Variants in LDB2 observed in about 807,000 individuals in gnomAD.
The protein encoded by LDB2 is LIM domain binding 2, also known as LIM domain-binding protein 2.
In LDB2, 12 loss-of-function variants were observed where a neutral mutation model predicts 44.3. That is an observed-to-expected ratio of 0.27 (90% confidence interval 0.17 to 0.44). The LOEUF is 0.44. Ranked by LOEUF, LDB2 falls within the 20% of genes least tolerant of loss-of-function variation. The probability of loss-of-function intolerance (pLI) is 1.00; values close to 1 mark genes in which losing one functional copy is unlikely to be tolerated. For missense variants in LDB2, 344 were observed against 473.5 expected (o/e 0.73, Z 2.54); for synonymous variants, 164 against 174.8 (o/e 0.94, Z 0.49).
At chr4:16,775,349 C>T (rs1771660220) in intron 1 of LDB2, among the ~76,000 whole-genome samples, 2 of 152,270 alleles carry the variant, frequency 1.3e-5, no homozygotes, top group South Asian at 4.2e-4. Flanking sequence ...AGCCTACACA[C>T]CTTGCTGCCA....
At chr4:16,803,518 C>T (rs760880378) in intron 1 of LDB2, among the ~76,000 whole-genome samples, 3 of 152,112 alleles carry the variant, frequency 2.0e-5, no homozygotes, top group African/African-American at 2.4e-5. Context: ...AAAATTAAAT[C>T]AAAGCAGCAC....
chr4:16,516,543 A>T (rs1215981577), intron 5 of LDB2, among the ~76,000 whole-genome samples: 1 of 152,214 alleles, frequency 6.6e-6, no homozygotes, highest in African/African-American at 2.4e-5. Context: ...GTCTTAGGAA[A>T]TCACATTCTT....
chr4:16,585,235 A>G (rs1439495398), intron 5 of LDB2, among the ~76,000 whole-genome samples: 4 of 152,152 alleles, frequency 2.6e-5, no homozygotes, highest in African/African-American at 4.8e-5. Context: ...CCCGCCGTCC[A>G]CCCACACTCC....
intron 1 of LDB2, among the ~76,000 whole-genome samples, chr4:16,796,222 T>C (rs540683639): frequency 1.4e-4 from 22 of 151,956 alleles, no homozygotes; most frequent in Admixed American, 2.6e-4. Flanking sequence ...AAGACGAAGG[T>C]TGCAGTGAGC....
At chr4:16,815,591 T>A (rs1029622850) in intron 1 of LDB2, among the ~76,000 whole-genome samples, 1 of 152,168 alleles carries the variant, frequency 6.6e-6, no homozygotes, top group Non-Finnish European at 1.5e-5. Context: ...TAGTCTGTCT[T>A]ACAGCCTTTT....
intron 1 of LDB2, among the ~76,000 whole-genome samples, chr4:16,787,333 C>G (rs1774657586): frequency 6.6e-6 from 1 of 152,154 alleles, no homozygotes; most frequent in African/African-American, 2.4e-5. Flanking sequence ...GTGCAATTCA[C>G]TGGGCACGGT....
chr4:16,585,470 A>G (rs1716439494), intron 5 of LDB2, among the ~76,000 whole-genome samples: 1 of 152,124 alleles, frequency 6.6e-6, no homozygotes, highest in South Asian at 2.1e-4. Flanking sequence ...AGTGCTTATG[A>G]AGCCTTAGAA....
At chr4:16,759,757 G>A (rs79606637) in intron 1 of LDB2, among the ~76,000 whole-genome samples, 1 of 152,160 alleles carries the variant, frequency 6.6e-6, no homozygotes, top group Non-Finnish European at 1.5e-5. Context: ...TACAGGTACA[G>A]ATACATGGAT....
chr4:16,631,203 A>G (rs1218274582), intron 2 of LDB2, among the ~76,000 whole-genome samples: 1 of 152,204 alleles, frequency 6.6e-6, no homozygotes, highest in African/African-American at 2.4e-5. Flanking sequence ...TCCTCAGCAA[A>G]GGTAAAAGAA....
chr4:16,554,451 TCTC>T (rs1241325705), intron 5 of LDB2, among the ~76,000 whole-genome samples: 2 of 152,186 alleles, frequency 1.3e-5, no homozygotes, highest in Non-Finnish European at 2.9e-5. Flanking sequence ...AGACTCCTGA[TCTC>T]CTTCCTGGTC....
intron 5 of LDB2, chr4:16,512,308 G>A (rs1009284106): frequency 4.0e-6 from 2 of 494,632 alleles, no homozygotes; most frequent in Non-Finnish European, 3.5e-6. Context: ...ATATATTACA[G>A]CTGAATGTGA....
At chr4:16,772,655 G>C (rs1770959729) in intron 1 of LDB2, among the ~76,000 whole-genome samples, 1 of 152,004 alleles carries the variant, frequency 6.6e-6, no homozygotes, top group Non-Finnish European at 1.5e-5. Flanking sequence ...CCATCCAAAG[G>C]ACATAATCCA....
chr4:16,675,606 G>C (rs1156768806), intron 2 of LDB2, among the ~76,000 whole-genome samples: 1 of 151,334 alleles, frequency 6.6e-6, no homozygotes, highest in Non-Finnish European at 1.5e-5. Flanking sequence ...TTAATTGGTT[G>C]CAAAAATAAT....
intron 2 of LDB2, among the ~76,000 whole-genome samples, chr4:16,735,483 GC>G: frequency 6.6e-6 from 1 of 151,978 alleles, no homozygotes; most frequent in South Asian, 2.1e-4. Flanking sequence ...CTTAACTTCT[GC>G]CCTCCCATGC....
At chr4:16,835,589 A>G (rs563904650) in intron 1 of LDB2, among the ~76,000 whole-genome samples, 2 of 152,362 alleles carry the variant, frequency 1.3e-5, no homozygotes, top group East Asian at 3.9e-4. Context: ...CCCTGTAGAT[A>G]TAAGTTTTAA....
intron 1 of LDB2, among the ~76,000 whole-genome samples, chr4:16,891,275 CTT>C (rs1200948773): frequency 1.4e-5 from 2 of 139,874 alleles, no homozygotes; most frequent in Non-Finnish European, 3.1e-5. Flanking sequence ...TTCAATCACT[CTT>C]CAGATAAAGT....
At chr4:16,684,138 A>G (rs1050021159) in intron 2 of LDB2, among the ~76,000 whole-genome samples, 5 of 152,220 alleles carry the variant, frequency 3.3e-5, no homozygotes, top group African/African-American at 9.6e-5. Context: ...TATCACAGTT[A>G]ATGTGATGGG....
intron 1 of LDB2, among the ~76,000 whole-genome samples, chr4:16,797,821 G>T (rs978270698): frequency 6.6e-6 from 1 of 151,776 alleles, no homozygotes; most frequent in African/African-American, 2.4e-5. Flanking sequence ...CGGATCACAA[G>T]GTCAGGAGTT....
chr4:16,868,389 G>T (rs1046575002), intron 1 of LDB2, among the ~76,000 whole-genome samples: 5 of 152,088 alleles, frequency 3.3e-5, no homozygotes, highest in Admixed American at 1.3e-4. Flanking sequence ...ATCTGCTGAC[G>T]GGGGTGTATT....
Sources: gnomAD v4.1 joint callset for allele counts (sites outside exome capture counted in the v4.1 genomes callset) on GRCh38, gnomAD v4.1.1 for gene constraint, MANE v1.5 for transcripts, NCBI Gene and HGNC (gene_info 2026-07-23, HGNC 2026-07-21) for gene names.